The following WDR72 variants were observed in gnomAD, a reference collection of about 807,000 sequenced individuals.
WDR72 encodes WD repeat domain 72.
WDR72 carries 120 observed loss-of-function variants against 124.2 expected under a neutral mutation model. The ratio of observed to expected loss-of-function variants is 0.97; its 90% confidence interval spans 0.83 to 1.12. The LOEUF (loss-of-function observed/expected upper bound fraction) is 1.12. WDR72 is among the 50% of genes most tolerant of loss of function. The probability of loss-of-function intolerance (pLI) is 0.00; values close to 1 mark genes in which losing one functional copy is unlikely to be tolerated. For synonymous variants in WDR72, 452 were observed against 441.7 expected (o/e 1.02, Z -0.29); for missense variants, 1,387 against 1,278.8 (o/e 1.08, Z -1.29).
intron 13 of WDR72, among the ~76,000 whole-genome samples, chr15:53,674,451 A>G (rs2016096204): frequency 6.6e-6 from 1 of 152,232 alleles, no homozygotes; most frequent in East Asian, 1.9e-4. Context: ...TATTAAAACC[A>G]TTTCACAGTT....
chr15:53,524,866 A>G (rs1274992327), intron 18 of WDR72, among the ~76,000 whole-genome samples: 4 of 152,120 alleles, frequency 2.6e-5, no homozygotes, highest in Non-Finnish European at 4.4e-5. Context: ...AGGCCATAGA[A>G]GGTATTCTTG....
At chr15:53,700,646 G>T (rs1381567056) in intron 12 of WDR72, among the ~76,000 whole-genome samples, 2 of 152,164 alleles carry the variant, frequency 1.3e-5, no homozygotes, top group African/African-American at 4.8e-5. Flanking sequence ...TAAAGCATCA[G>T]TTTGGAGACC....
intron 11 of WDR72, among the ~76,000 whole-genome samples, chr15:53,703,408 C>T (rs1353539927): frequency 6.6e-6 from 1 of 151,596 alleles, no homozygotes; most frequent in African/African-American, 2.4e-5. Context: ...TTTAAGAGTA[C>T]AGCATTGCTG....
intron 18 of WDR72, among the ~76,000 whole-genome samples, chr15:53,540,366 C>A (rs927148171): frequency 6.6e-6 from 1 of 152,012 alleles, no homozygotes; most frequent in Non-Finnish European, 1.5e-5. Flanking sequence ...CGGAGTGACC[C>A]CTCCAACATT....
intron 14 of WDR72, among the ~76,000 whole-genome samples, chr15:53,624,982 G>T (rs1300113286): frequency 6.6e-6 from 1 of 152,132 alleles, no homozygotes; most frequent in Admixed American, 6.5e-5. Context: ...AAAGGCTGTA[G>T]TTAATATTAA....
intron 14 of WDR72, among the ~76,000 whole-genome samples, chr15:53,639,665 C>T (rs2014774819): frequency 6.6e-6 from 1 of 151,702 alleles, no homozygotes; most frequent in African/African-American, 2.4e-5. Flanking sequence ...TCTGATTCTT[C>T]TGCTATTAAT....
chr15:53,566,574 A>T (rs911525481), intron 18 of WDR72, among the ~76,000 whole-genome samples: 3 of 151,932 alleles, frequency 2.0e-5, no homozygotes, highest in Non-Finnish European at 2.9e-5. Context: ...GGACTTCACC[A>T]GTGTACAGAC....
intron 7 of WDR72, among the ~76,000 whole-genome samples, 177 bp downstream of exon 7, chr15:53,712,595 A>AC (rs11418021): frequency 0.058 from 7,267 of 124,498 alleles, 619 homozygotes; most frequent in African/African-American, 0.19. Context: ...ACTGTCAACC[A>AC]CCCCACCGCC....
At chr15:53,551,093 C>T (rs1407471407) in intron 18 of WDR72, among the ~76,000 whole-genome samples, 2 of 151,852 alleles carry the variant, frequency 1.3e-5, no homozygotes, top group Admixed American at 6.6e-5. Context: ...GAAGAGTAGG[C>T]AATGGGAAAG....
intron 14 of WDR72, among the ~76,000 whole-genome samples, chr15:53,656,067 T>C (rs187562144): frequency 6.6e-6 from 1 of 152,290 alleles, no homozygotes; most frequent in East Asian, 1.9e-4. Flanking sequence ...AACTACAATT[T>C]TCAGTCCCAT....
chr15:53,711,508 T>C, intron 7 of WDR72, 27 bp from the exon 8 acceptor site: 1 of 1,612,888 alleles, frequency 6.2e-7, no homozygotes, highest in Non-Finnish European at 8.5e-7. Flanking sequence ...ATGCACATTA[T>C]CAAAGGCTTA....
chr15:53,555,752 G>C (rs1039775502), intron 18 of WDR72, among the ~76,000 whole-genome samples: 5 of 151,886 alleles, frequency 3.3e-5, no homozygotes, highest in Admixed American at 6.6e-5. Context: ...TCAATGGTTT[G>C]CCATTTAAAA....
chr15:53,558,508 C>T (rs1483870965), intron 18 of WDR72, among the ~76,000 whole-genome samples: 2 of 152,026 alleles, frequency 1.3e-5, no homozygotes, highest in South Asian at 2.1e-4. Context: ...CCCCATCTTT[C>T]ATCTTTATGG....
At chr15:53,557,285 A>T (rs1328629324) in intron 18 of WDR72, among the ~76,000 whole-genome samples, 2 of 152,084 alleles carry the variant, frequency 1.3e-5, no homozygotes, top group African/African-American at 4.8e-5. Flanking sequence ...TGTGTTCAGC[A>T]TTTATTAAAT....
intron 1 of WDR72, among the ~76,000 whole-genome samples, chr15:53,743,197 A>C (rs1401506653): frequency 6.6e-6 from 1 of 152,168 alleles, no homozygotes; most frequent in African/African-American, 2.4e-5. Context: ...ATAATGAAAA[A>C]AATAATTCTA....
rs200513225 is a variant in WDR72 at position 53,711,326 on chromosome 15, C to G, written c.857+10G>C. ...TGAATGTTTTGTATGCCGCTCCCATCTGAGCCCACCTGTTCAGCAGCTGAT... is the reference window on the plus strand; with the variant it reads ...TGAATGTTTTGTATGCCGCTCCCATGTGAGCCCACCTGTTCAGCAGCTGAT... On this transcript the variant is annotated intron_variant, in intron 8 of 19. Coordinates refer to ENST00000360509, the MANE Select transcript of WDR72 (RefSeq NM_182758.4). 228 of 1,614,148 alleles carry G rather than the reference C, an allele frequency of 1.4e-4. No individual in the cohort carries two copies. The African/African-American group carries it at 2.7e-3, about 19-fold the overall frequency.
At chr15:53,700,595 G>A (rs111261311) in intron 12 of WDR72, among the ~76,000 whole-genome samples, 4 of 152,256 alleles carry the variant, frequency 2.6e-5, no homozygotes, top group African/African-American at 9.6e-5. Flanking sequence ...ACTATCCAAG[G>A]TGGATTCTAA....
intron 14 of WDR72, among the ~76,000 whole-genome samples, chr15:53,648,453 T>C (rs1183661632): frequency 1.3e-5 from 2 of 152,180 alleles, no homozygotes; most frequent in Non-Finnish European, 2.9e-5. Context: ...CAGTATCAAG[T>C]TGATGCTTTC....
At chr15:53,641,735 T>G (rs4776166) in intron 14 of WDR72, among the ~76,000 whole-genome samples, 1 of 151,638 alleles carries the variant, frequency 6.6e-6, no homozygotes, top group African/African-American at 2.4e-5. Flanking sequence ...TTTTAATGAC[T>G]TATGAATGGA....
Sources: gnomAD v4.1 joint callset for allele counts (sites outside exome capture counted in the v4.1 genomes callset) on GRCh38, gnomAD v4.1.1 for gene constraint, MANE v1.5 for transcripts, NCBI Gene and HGNC (gene_info 2026-07-23, HGNC 2026-07-21) for gene names.